SYN3: variants seen among roughly 807,000 people sequenced by gnomAD.
SYN3 encodes the protein synapsin-3.
SYN3 carries 35 observed loss-of-function variants against 65.8 expected under a neutral mutation model. The ratio of observed to expected loss-of-function variants is 0.53; its 90% CI spans 0.41 to 0.70. The LOEUF (loss-of-function observed/expected upper bound fraction) is 0.70, where lower values mean the gene tolerates loss of function less well. SYN3 is among the 30% of genes least tolerant of loss of function. SYN3 has a pLI of 0.00. For missense variants in SYN3, 680 were observed against 749.0 expected (o/e 0.91, Z 1.08); for synonymous variants, 270 against 292.9 (o/e 0.92, Z 0.80).
chr22:32,995,898 TG>T (rs1472257102), intron 2 of SYN3, among the ~76,000 whole-genome samples: 1 of 152,146 alleles, frequency 6.6e-6, no homozygotes, highest in Non-Finnish European at 1.5e-5. Flanking sequence ...CCTGACCTTG[TG>T]GTCTGCCTCC....
intron 6 of SYN3, among the ~76,000 whole-genome samples, chr22:32,628,627 A>C (rs2059703130): frequency 6.6e-6 from 1 of 152,138 alleles, no homozygotes; most frequent in African/African-American, 2.4e-5. Context: ...TCATGCCTAT[A>C]ATCCCAGCTA....
intron 2 of SYN3, among the ~76,000 whole-genome samples, chr22:32,986,969 G>A (rs1303395113): frequency 6.6e-6 from 1 of 152,130 alleles, no homozygotes; most frequent in Non-Finnish European, 1.5e-5. Context: ...GTATGAGAGA[G>A]ACTGATGAGG....
chr22:32,995,254 G>A (rs971727225), intron 2 of SYN3, among the ~76,000 whole-genome samples: 12 of 152,206 alleles, frequency 7.9e-5, no homozygotes, highest in African/African-American at 2.4e-4. Flanking sequence ...CACTGGCCCC[G>A]TGGTAGCAGA....
At chr22:32,911,312 A>G (rs5998654) in intron 4 of SYN3, among the ~76,000 whole-genome samples, 203 of 152,296 alleles carry the variant, frequency 1.3e-3, no homozygotes, top group African/African-American at 4.6e-3. Flanking sequence ...AATTAGAAAA[A>G]GGGCAGGGGC....
chr22:32,950,677 G>A (rs1212134566), intron 3 of SYN3, among the ~76,000 whole-genome samples: 4 of 152,086 alleles, frequency 2.6e-5, no homozygotes, highest in African/African-American at 7.2e-5. Context: ...AGTAACATCC[G>A]CAGATGAGGT....
intron 7 of SYN3, among the ~76,000 whole-genome samples, chr22:32,558,897 AGAGGCTGGG>A (rs904775462): frequency 6.6e-6 from 1 of 152,192 alleles, no homozygotes; most frequent in African/African-American, 2.4e-5. Flanking sequence ...ACTGGAGAGA[AGAGGCTGGG>A]GAGGCTGGGG....
At chr22:32,608,215 G>A (rs1970783) in intron 6 of SYN3, among the ~76,000 whole-genome samples, 48,016 of 151,986 alleles carry the variant, frequency 0.32, 7,784 homozygotes, top group South Asian at 0.41. Flanking sequence ...TTACAGGCAC[G>A]TGCCACCACG....
chr22:32,855,177 G>A (rs770100382), intron 6 of SYN3, among the ~76,000 whole-genome samples: 4 of 152,196 alleles, frequency 2.6e-5, no homozygotes, highest in African/African-American at 9.7e-5. Context: ...ACAGAATTGT[G>A]CAACACCTTG....
chr22:32,938,298 G>C (rs1473855617), intron 3 of SYN3, among the ~76,000 whole-genome samples: 1 of 150,274 alleles, frequency 6.7e-6, no homozygotes, highest in African/African-American at 2.4e-5. Flanking sequence ...GGAGGCCGAG[G>C]CGGGTGGATC....
chr22:33,039,663 C>T (rs2053927598), intron 1 of SYN3, among the ~76,000 whole-genome samples: 1 of 152,146 alleles, frequency 6.6e-6, no homozygotes, highest in Admixed American at 6.5e-5. Flanking sequence ...ACCTTGACCT[C>T]CCAAAATGCT....
At chr22:32,641,140 G>A (rs2059891832) in intron 6 of SYN3, among the ~76,000 whole-genome samples, 1 of 152,174 alleles carries the variant, frequency 6.6e-6, no homozygotes, top group Non-Finnish European at 1.5e-5. Flanking sequence ...AATACATTGA[G>A]CACGAACGTC....
intron 6 of SYN3, among the ~76,000 whole-genome samples, chr22:32,790,986 C>G (rs1160248011): frequency 6.6e-6 from 1 of 152,186 alleles, no homozygotes; most frequent in Non-Finnish European, 1.5e-5. Flanking sequence ...TAACTGATCA[C>G]TAGAGTATTC....
At chr22:32,852,587 A>AG (rs1242571870) in intron 6 of SYN3, among the ~76,000 whole-genome samples, 1 of 152,152 alleles carries the variant, frequency 6.6e-6, no homozygotes, top group Non-Finnish European at 1.5e-5. Context: ...GCAGGACTAA[A>AG]GGAACTTGGA....
intron 6 of SYN3, among the ~76,000 whole-genome samples, chr22:32,721,651 C>A (rs1255342777): frequency 6.6e-6 from 1 of 152,170 alleles, no homozygotes; most frequent in Non-Finnish European, 1.5e-5. Flanking sequence ...CCAGATTCCC[C>A]CCAGCTCCCA....
intron 6 of SYN3, among the ~76,000 whole-genome samples, chr22:32,688,701 A>G (rs1250673416): frequency 8.2e-6 from 1 of 121,858 alleles, no homozygotes; most frequent in Non-Finnish European, 1.7e-5. Flanking sequence ...GTCCTCCACC[A>G]CTCCCATTCC....
chr22:32,723,703 C>T (rs1026059122), intron 6 of SYN3, among the ~76,000 whole-genome samples: 5 of 152,246 alleles, frequency 3.3e-5, no homozygotes, highest in African/African-American at 9.6e-5. Flanking sequence ...GAAAATAGAG[C>T]GGAGTCATTC....
At chr22:32,802,938 G>T (rs555966852) in intron 6 of SYN3, among the ~76,000 whole-genome samples, 5 of 152,298 alleles carry the variant, frequency 3.3e-5, no homozygotes, top group South Asian at 4.2e-4. Context: ...GACAGTTCCA[G>T]ACTGGACTTA....
At chr22:32,584,700 G>A (rs2058998347) in intron 7 of SYN3, among the ~76,000 whole-genome samples, 1 of 152,170 alleles carries the variant, frequency 6.6e-6, no homozygotes, top group African/African-American at 2.4e-5. Context: ...GGGGCTTATA[G>A]ATGGTGTACA....
At chr22:32,675,324 TC>T (rs2060424937) in intron 6 of SYN3, among the ~76,000 whole-genome samples, 1 of 152,182 alleles carries the variant, frequency 6.6e-6, no homozygotes. Flanking sequence ...CACAACCCTG[TC>T]CCTGCTTAGT....
Sources: gnomAD v4.1 joint callset for allele counts (sites outside exome capture counted in the v4.1 genomes callset) on GRCh38, gnomAD v4.1.1 for gene constraint, MANE v1.5 for transcripts, NCBI Gene and HGNC (gene_info 2026-07-23, HGNC 2026-07-21) for gene names.